Variants in CNTN4 observed in about 807,000 individuals in gnomAD.
The protein encoded by CNTN4 is contactin-4.
CNTN4 carries 77 observed loss-of-function variants against 122.5 expected under a neutral mutation model. The ratio of observed to expected loss-of-function variants is 0.63; its 90% confidence interval spans 0.52 to 0.76. The LOEUF (loss-of-function observed/expected upper bound fraction) is 0.76. Among genes scored for constraint, CNTN4 ranks in the 30% least tolerant of loss-of-function variants. The pLI, the probability that CNTN4 is intolerant of heterozygous loss-of-function variation, is 0.00. For missense variants in CNTN4, 1,256 were observed against 1,259.1 expected (o/e 1.00, Z 0.04); for synonymous variants, 512 against 447.0 (o/e 1.15, Z -1.83).
chr3:2,410,067 G>A (rs547471614), intron 3 of CNTN4, among the ~76,000 whole-genome samples: 26 of 152,284 alleles, frequency 1.7e-4, no homozygotes, highest in Non-Finnish European at 3.1e-4. Context: ...TTCATTTACC[G>A]ATATTAACTT....
rs561087567 is a variant in CNTN4, at chr3:2,478,542, C to T, written c.-88-92874C>T. ...CATCTCATTACCCAGATACTAAGCC[C>T]GGCATCAGTTAGCTATTCTTCCTGA... On this transcript the variant is annotated intron_variant, in intron 3 of 24. Transcript: ENST00000418658. Among the ~76,000 whole-genome samples, 8 of 152,074 alleles carry T rather than the reference C, an allele frequency of 5.3e-5. No homozygotes were observed. The East Asian group carries it at 9.7e-4, about 18-fold the overall frequency.
At chr3:2,702,123 T>A (rs1453507194) in intron 4 of CNTN4, among the ~76,000 whole-genome samples, 1 of 152,172 alleles carries the variant, frequency 6.6e-6, no homozygotes, top group Non-Finnish European at 1.5e-5. Flanking sequence ...TTGCTCAGGA[T>A]CCAAAATCAG....
chr3:2,882,460 A>G (rs1389098678), intron 8 of CNTN4, among the ~76,000 whole-genome samples: 5 of 152,332 alleles, frequency 3.3e-5, no homozygotes, highest in South Asian at 2.1e-4. Context: ...TACCTTGGGC[A>G]TAATTGTAGA....
intron 6 of CNTN4, among the ~76,000 whole-genome samples, chr3:2,779,390 G>A (rs1346868452): frequency 1.3e-5 from 2 of 152,088 alleles, no homozygotes; most frequent in Non-Finnish European, 2.9e-5. Flanking sequence ...GTAGAGGCTG[G>A]GTTTCACCAT....
At chr3:3,038,783 G>A in intron 18 of CNTN4, 150 bp from the exon 19 acceptor site, 4 of 533,436 alleles carry the variant, frequency 7.5e-6, no homozygotes, top group South Asian at 2.8e-5. Flanking sequence ...GTCGCCGTGG[G>A]CCCCTTGACA....
intron 4 of CNTN4, among the ~76,000 whole-genome samples, chr3:2,701,212 G>A (rs1378271304): frequency 2.6e-5 from 4 of 152,024 alleles, no homozygotes; most frequent in Admixed American, 6.6e-5. Context: ...GCCCCACTTA[G>A]CATCTGTAGA....
intron 14 of CNTN4, chr3:3,009,112 G>C: frequency 1.2e-6 from 1 of 834,070 alleles, no homozygotes; most frequent in South Asian, 5.5e-5. Context: ...CCTTGCCCTG[G>C]CATGACTGGA....
At chr3:3,050,821 A>T (rs1049859887) in intron 23 of CNTN4, among the ~76,000 whole-genome samples, 1 of 150,082 alleles carries the variant, frequency 6.7e-6, no homozygotes, top group Non-Finnish European at 1.5e-5. Flanking sequence ...GTTTGAATGC[A>T]GGATCCGCCA....
At chr3:2,789,493 C>T (rs1395698490) in intron 6 of CNTN4, among the ~76,000 whole-genome samples, 1 of 152,156 alleles carries the variant, frequency 6.6e-6, no homozygotes, top group Non-Finnish European at 1.5e-5. Flanking sequence ...AGTGCAGTGG[C>T]GTGATATCAG....
At chr3:2,635,553 C>T (rs28627388) in intron 4 of CNTN4, among the ~76,000 whole-genome samples, 4,416 of 152,198 alleles carry the variant, frequency 0.029, 205 homozygotes, top group African/African-American at 0.1. Flanking sequence ...CTTTGTCTTT[C>T]AGTTATTTTT....
chr3:2,706,250 A>G (rs1443940548), intron 4 of CNTN4, among the ~76,000 whole-genome samples: 2 of 151,908 alleles, frequency 1.3e-5, no homozygotes, highest in African/African-American at 4.8e-5. Flanking sequence ...GTGTTAATAC[A>G]TTCTGTGGTT....
chr3:2,887,310 T>C, intron 10 of CNTN4, 86 bp downstream of exon 10: 9 of 1,251,418 alleles, frequency 7.2e-6, no homozygotes. Context: ...TTCAGGCATT[T>C]TGGGAGAGAT....
At chr3:2,722,276 A>G (rs1444365946) in intron 4 of CNTN4, among the ~76,000 whole-genome samples, 1 of 152,182 alleles carries the variant, frequency 6.6e-6, no homozygotes, top group Non-Finnish European at 1.5e-5. Context: ...AGCTCCTTGG[A>G]CAGTGTGTTT....
At chr3:2,383,232 A>G (rs1303258827) in intron 3 of CNTN4, among the ~76,000 whole-genome samples, 1 of 152,184 alleles carries the variant, frequency 6.6e-6, no homozygotes, top group Admixed American at 6.5e-5. Context: ...TGATAATCTT[A>G]TCCAATTACC....
At chr3:2,246,825 G>C (rs537038510) in intron 2 of CNTN4, among the ~76,000 whole-genome samples, 1 of 151,968 alleles carries the variant, frequency 6.6e-6, no homozygotes, top group East Asian at 1.9e-4. Flanking sequence ...GTCCTCTCAG[G>C]GGGATTCAGG....
intron 13 of CNTN4, among the ~76,000 whole-genome samples, chr3:2,929,160 A>G (rs571791731): frequency 5.3e-5 from 8 of 152,302 alleles, no homozygotes; most frequent in African/African-American, 1.7e-4. Context: ...AGTGTAGGCA[A>G]TATCAGGCAT....
chr3:2,690,491 G>A (rs766851435), intron 4 of CNTN4, among the ~76,000 whole-genome samples: 1 of 152,072 alleles, frequency 6.6e-6, no homozygotes, highest in Non-Finnish European at 1.5e-5. Context: ...TGGTAATAAT[G>A]GCAACATCAC....
chr3:2,153,640 G>GT (rs1038514356), intron 2 of CNTN4, among the ~76,000 whole-genome samples: 1 of 152,096 alleles, frequency 6.6e-6, no homozygotes, highest in African/African-American at 2.4e-5. Context: ...CGAAACCATG[G>GT]TAAGGGTGTA....
At chr3:2,583,843 G>T (rs2080057243) in intron 4 of CNTN4, among the ~76,000 whole-genome samples, 1 of 152,108 alleles carries the variant, frequency 6.6e-6, no homozygotes, top group Admixed American at 6.5e-5. Flanking sequence ...AATCTTGTGG[G>T]CTGACACAAT....
Sources: gnomAD v4.1 joint callset for allele counts (sites outside exome capture counted in the v4.1 genomes callset) on GRCh38, gnomAD v4.1.1 for gene constraint, MANE v1.5 for transcripts, NCBI Gene and HGNC (gene_info 2026-07-23, HGNC 2026-07-21) for gene names.